GPC6: variants seen among roughly 807,000 people sequenced by gnomAD.
The protein encoded by GPC6 is glypican-6.
Under a neutral mutation model 55.2 loss-of-function variants are expected in GPC6, and 14 were observed. That is an observed-to-expected ratio of 0.25 (90% CI 0.17 to 0.40). The LOEUF (loss-of-function observed/expected upper bound fraction) is 0.40, where lower values mean the gene tolerates loss of function less well. Among genes scored for constraint, GPC6 ranks in the 10% least tolerant of loss-of-function variants. The pLI is 1.00. For missense variants in GPC6, 641 were observed against 708.5 expected (o/e 0.90, Z 1.08); for synonymous variants, 278 against 259.6 (o/e 1.07, Z -0.68).
At chr13:93,769,736 A>C (rs772999222) in intron 2 of GPC6, among the ~76,000 whole-genome samples, 10 of 152,218 alleles carry the variant, frequency 6.6e-5, no homozygotes, top group Non-Finnish European at 1.2e-4. Flanking sequence ...GGAAGGCAGA[A>C]GTTGGCTTGC....
chr13:94,107,720 A>G (rs1397249632), intron 4 of GPC6, among the ~76,000 whole-genome samples: 1 of 152,034 alleles, frequency 6.6e-6, no homozygotes, highest in East Asian at 1.9e-4. Context: ...ATCAAAAAAC[A>G]GGTTAAGGAC....
chr13:93,216,604 C>T, the GPC6 span, among the ~76,000 whole-genome samples: 1 of 152,026 alleles, frequency 6.6e-6, no homozygotes, highest in East Asian at 1.9e-4. Context: ...GTAGACTAGA[C>T]AGCCAGGGAC....
intron 3 of GPC6, among the ~76,000 whole-genome samples, chr13:93,840,845 C>A (rs1887928865): frequency 6.6e-6 from 1 of 152,094 alleles, no homozygotes; most frequent in Non-Finnish European, 1.5e-5. Context: ...ATAAAAAAGA[C>A]CCAAGGATAA....
At chr13:93,712,920 C>T (rs1374623047) in intron 2 of GPC6, among the ~76,000 whole-genome samples, 1 of 151,034 alleles carries the variant, frequency 6.6e-6, no homozygotes, top group African/African-American at 2.4e-5. Context: ...ATGTATTAAG[C>T]CGCATTTTAA....
intron 3 of GPC6, among the ~76,000 whole-genome samples, chr13:93,867,614 C>T (rs1418138140): frequency 6.6e-6 from 1 of 151,688 alleles, no homozygotes; most frequent in East Asian, 2.0e-4. Context: ...CAACATGCCC[C>T]AAATGGATGG....
chr13:93,787,174 G>T (rs1885840385), intron 2 of GPC6, among the ~76,000 whole-genome samples: 2 of 152,122 alleles, frequency 1.3e-5, no homozygotes, highest in African/African-American at 4.8e-5. Context: ...AAAAAGCTGT[G>T]CCATTTACCT....
chr13:94,345,041 A>G (rs957900536), intron 6 of GPC6, among the ~76,000 whole-genome samples: 2 of 152,208 alleles, frequency 1.3e-5, no homozygotes, highest in African/African-American at 4.8e-5. Context: ...AAATATTCTT[A>G]AATTACCACT....
intron 3 of GPC6, among the ~76,000 whole-genome samples, chr13:93,882,732 A>C (rs1007833147): frequency 1.3e-5 from 2 of 152,166 alleles, no homozygotes; most frequent in African/African-American, 2.4e-5. Flanking sequence ...ATTGTAAAAA[A>C]TATGAAATAG....
intron 1 of GPC6, among the ~76,000 whole-genome samples, chr13:93,368,997 C>A (rs1462389893): frequency 6.6e-6 from 1 of 151,944 alleles, no homozygotes; most frequent in African/African-American, 2.4e-5. Context: ...CCTTCACTGG[C>A]ACCATAAAAG....
intron 2 of GPC6, among the ~76,000 whole-genome samples, chr13:93,743,542 T>C (rs1311273893): frequency 4.6e-5 from 7 of 152,116 alleles, no homozygotes; most frequent in Non-Finnish European, 4.4e-5. Flanking sequence ...CCAATTTTCT[T>C]TGTTTATAGG....
intron 3 of GPC6, among the ~76,000 whole-genome samples, chr13:93,837,526 A>G (rs1887786053): frequency 6.6e-6 from 1 of 152,200 alleles, no homozygotes; most frequent in Non-Finnish European, 1.5e-5. Flanking sequence ...TGATCAGTAA[A>G]CATTTGTTCT....
intron 3 of GPC6, among the ~76,000 whole-genome samples, chr13:94,010,606 T>C (rs151083309): frequency 1.3e-5 from 2 of 152,296 alleles, no homozygotes; most frequent in East Asian, 3.9e-4. Flanking sequence ...ATTTTGTTAC[T>C]AGATTTCTAT....
chr13:93,552,845 C>T (rs1374805728), intron 2 of GPC6, among the ~76,000 whole-genome samples: 1 of 152,158 alleles, frequency 6.6e-6, no homozygotes, highest in East Asian at 1.9e-4. Context: ...GACAGAGGCT[C>T]ACTAATCCTT....
intron 7 of GPC6, among the ~76,000 whole-genome samples, chr13:94,396,261 T>C (rs188665526): frequency 3.3e-5 from 5 of 152,300 alleles, no homozygotes; most frequent in Admixed American, 3.3e-4. Flanking sequence ...GTCTGTTTCT[T>C]ACCAGGACAC....
At chr13:94,352,123 T>C (rs1332404895) in intron 6 of GPC6, among the ~76,000 whole-genome samples, 1 of 152,010 alleles carries the variant, frequency 6.6e-6, no homozygotes, top group Admixed American at 6.6e-5. Flanking sequence ...CTCGCCTCTG[T>C]ATAAAGCAGT....
rs185685807 is a variant in GPC6, at chr13:93,399,009, G to T, written c.161-146254G>T. Among the ~76,000 whole-genome samples the T allele has an allele frequency of 5.4e-4, 82 of 151,954 alleles. No individual in the cohort carries two copies. The East Asian group carries it at 0.013, about 25-fold the overall frequency. ...AAACTGAAGAAACCTTTCTTCAATGGTTACCGTGATCAGTTCCCTCTCCCC... is the reference window on the plus strand; with the variant it reads ...AAACTGAAGAAACCTTTCTTCAATGTTTACCGTGATCAGTTCCCTCTCCCC... On this transcript the variant is annotated intron_variant, in intron 1 of 8. Transcript: ENST00000377047.
At chr13:93,428,906 G>T (rs912852807) in intron 1 of GPC6, among the ~76,000 whole-genome samples, 1 of 152,096 alleles carries the variant, frequency 6.6e-6, no homozygotes, top group Admixed American at 6.6e-5. Flanking sequence ...GTCATTTTCA[G>T]ATAGGAAAAC....
At chr13:93,442,337 A>C (rs988768859) in intron 1 of GPC6, among the ~76,000 whole-genome samples, 16 of 152,176 alleles carry the variant, frequency 1.1e-4, no homozygotes, top group Non-Finnish European at 5.9e-5. Flanking sequence ...TCCTGGTTTA[A>C]AGTGATGGGA....
At chr13:93,694,253 C>T (rs1049620762) in intron 2 of GPC6, among the ~76,000 whole-genome samples, 2 of 152,104 alleles carry the variant, frequency 1.3e-5, no homozygotes, top group African/African-American at 4.8e-5. Flanking sequence ...AGACAGGGCC[C>T]TGAAATGCAA....
Sources: allele counts gnomAD v4.1 joint callset (sites outside exome capture counted in the v4.1 genomes callset), GRCh38; gene constraint gnomAD v4.1.1; transcripts MANE v1.5; gene names NCBI Gene and HGNC (gene_info 2026-07-23, HGNC 2026-07-21).